Variants in FZR1 observed in about 807,000 individuals in gnomAD.
FZR1 encodes the protein fizzy-related protein homolog.
In FZR1, 11 loss-of-function variants were observed where a neutral mutation model predicts 63.6. That is an observed-to-expected ratio of 0.17 (90% CI 0.11 to 0.29). The LOEUF (loss-of-function observed/expected upper bound fraction) is 0.29. Among genes scored for constraint, FZR1 ranks in the 10% least tolerant of loss-of-function variants. FZR1 has a pLI of 1.00. For missense variants in FZR1, 440 were observed against 687.5 expected, an observed-to-expected ratio of 0.64 and a Z score of 4.03; for synonymous variants, 328 against 297.9, an observed-to-expected ratio of 1.10 and a Z score of -1.04.
intron 7 of FZR1, among the ~76,000 whole-genome samples, chr19:3,529,739 GATGGGTGAGCGCATGGGAGCGC>G (rs2083214637): frequency 7.0e-6 from 1 of 143,724 alleles, no homozygotes; most frequent in Non-Finnish European, 1.5e-5. Flanking sequence ...TGGGAGAGTG[GATGGGTGAGCGCATGGGAGCGC>G]ATGGGTGAGC....
chr19:3,512,337 G>A lies in FZR1; in HGVS notation c.-35+5863G>A, dbSNP rs371483496. Among the ~76,000 whole-genome samples the A allele has an allele frequency of 4.8e-3, 727 of 152,302 alleles. 15 individuals are homozygous for A. The highest frequency in any genetic ancestry group is 0.048 in the South Asian group (230 of 4,824). ...GCATCTTCTCTGGGTCATGCCGGGTGCCTGCTGCCTCGTAGACCTCATGCC... is the reference window on the plus strand; with the variant it reads ...GCATCTTCTCTGGGTCATGCCGGGTACCTGCTGCCTCGTAGACCTCATGCC... On this transcript the variant is annotated intron_variant, in intron 1 of 13. Transcript: ENST00000441788.
Position 3,532,476 on chromosome 19 carries a change from G to T in FZR1, c.1068G>T (p.Ala356=). 1 of 1,603,074 alleles carries T rather than the reference G, an allele frequency of 6.2e-7. No individual in the cohort carries two copies. Residue 356 remains alanine (A), a synonymous_variant, in exon 11 of 14, where the codon GCG becomes GCT. Coordinates refer to ENST00000441788, the MANE Select transcript of FZR1 (RefSeq NM_016263.4). ...SPVQQYTEHL[A]AVKAIAWSPH... Reference sequence around the variant, plus strand: ...TGCAGCAGTACACGGAGCACCTGGCGGCCGTGAAGGCCATCGCCTGGTCCC... The same window carrying T: ...TGCAGCAGTACACGGAGCACCTGGCTGCCGTGAAGGCCATCGCCTGGTCCC...
At chr19:3,528,418 C>T (rs1042602234) in intron 7 of FZR1, among the ~76,000 whole-genome samples, 7 of 152,384 alleles carry the variant, frequency 4.6e-5, no homozygotes, top group Admixed American at 4.6e-4. Context: ...CCCTTCTAGG[C>T]CCTGCCCTCA....
At chr19:3,510,198 G>T (rs957200350) in intron 1 of FZR1, among the ~76,000 whole-genome samples, 2 of 152,032 alleles carry the variant, frequency 1.3e-5, no homozygotes, top group Non-Finnish European at 2.9e-5. Flanking sequence ...GTGCAGTGGC[G>T]CAATCACAAC....
At chr19:3,513,759 A>G (rs1001466411) in intron 1 of FZR1, among the ~76,000 whole-genome samples, 2 of 152,044 alleles carry the variant, frequency 1.3e-5, no homozygotes, top group Admixed American at 1.3e-4. Context: ...CCCTGTGGGT[A>G]GCAAGTGCCG....
Position 3,523,229 on chromosome 19 carries a change from A to T in FZR1, c.69+171A>T, listed in dbSNP as rs1397816408. On this transcript the variant is annotated intron_variant, in intron 2 of 13. Transcript: ENST00000441788. Reference sequence around the variant, plus strand: ...CTCCTGGGCTGTCAGGGTTGCCGCCACCCCCAGGGCCATAGTCAGAGCCCA... The same window carrying T: ...CTCCTGGGCTGTCAGGGTTGCCGCCTCCCCCAGGGCCATAGTCAGAGCCCA... 5.3e-5 allele frequency among the ~76,000 whole-genome samples: 8 copies of T among 151,874 alleles called. No individual in the cohort carries two copies. The East Asian group carries it at 1.5e-3, about 29-fold the overall frequency.
intron 1 of FZR1, among the ~76,000 whole-genome samples, chr19:3,508,477 G>A (rs1481933445): frequency 1.3e-5 from 2 of 152,214 alleles, no homozygotes; most frequent in Non-Finnish European, 2.9e-5. Flanking sequence ...GATTACAGGC[G>A]TGCGCCACCG....
chr19:3,515,778 A>C lies in FZR1; in HGVS notation c.-34-7178A>C, dbSNP rs930961444. Reference sequence around the variant, plus strand: ...CAGACTCCGTCTCTAAAAAAAAAAAAAAAAGGAATTCAAGAAGTACAAAAC... The same window carrying C: ...CAGACTCCGTCTCTAAAAAAAAAAACAAAAGGAATTCAAGAAGTACAAAAC... On this transcript the variant is annotated intron_variant, in intron 1 of 13. Transcript: ENST00000441788. The surrounding 1 kb of genome is among the most constrained non-coding windows in gnomAD (Gnocchi z 4.6). Among the ~76,000 whole-genome samples the C allele has an allele frequency of 1.3e-5, 2 of 151,956 alleles. No individual in the cohort carries two copies. Among genetic ancestry groups the C allele is most frequent in the Non-Finnish European group, 2.9e-5 (2 of 67,976 alleles).
chr19:3,507,386 C>T (rs1351845908), intron 1 of FZR1, among the ~76,000 whole-genome samples: 1 of 152,042 alleles, frequency 6.6e-6, no homozygotes, highest in Non-Finnish European at 1.5e-5. Context: ...CCCCCTCCCC[C>T]TCTTCCACCG....
rs925608296 is a variant in FZR1, at chr19:3,533,570, G to A, written c.1347+172G>A. The stretch of plus-strand genomic sequence containing the variant: ...ATCTGGTGCTGGTTGTGTTGCCAGC[G>A]TTGGAATGGGCTCTACCGAACTCCC... On this transcript the variant is annotated intron_variant, in intron 12 of 13. Transcript: ENST00000441788. The surrounding 1 kb of genome is among the most constrained non-coding windows in gnomAD (Gnocchi z 4.9). 4 of 596,502 alleles carry A rather than the reference G, an allele frequency of 6.7e-6. No homozygotes were observed. The highest frequency in any genetic ancestry group is 5.7e-5 in the East Asian group (2 of 34,900). 37.0% of individuals were successfully genotyped at this position (596,502 alleles called of 1,614,324 possible).
chr19:3,512,521 A>G (rs1032920337), intron 1 of FZR1, among the ~76,000 whole-genome samples: 1 of 152,206 alleles, frequency 6.6e-6, no homozygotes, highest in Non-Finnish European at 1.5e-5. Context: ...ACTCTTTCTG[A>G]TGGACCCTGC....
rs938734337 is a variant in FZR1 at position 3,515,021 on chromosome 19, G to A, written c.-34-7935G>A. Reference sequence around the variant, plus strand: ...CAGGGCAGTGCCCTGCCAAGGGGATGGGGCAGCAGGAAGCCCGGTGGCCCA... The same window carrying A: ...CAGGGCAGTGCCCTGCCAAGGGGATAGGGCAGCAGGAAGCCCGGTGGCCCA... On this transcript the variant is annotated intron_variant, in intron 1 of 13. Coordinates refer to ENST00000441788, the MANE Select transcript of FZR1 (RefSeq NM_016263.4). This position sits in a 1 kb window ranked among gnomAD's most constrained non-coding sequence, Gnocchi z 4.6. Among the ~76,000 whole-genome samples, 1 of 152,218 alleles carries A rather than the reference G, an allele frequency of 6.6e-6. No individual in the cohort carries two copies. The highest frequency in any genetic ancestry group is 2.4e-5 in the African/African-American group (1 of 41,456).
Position 3,514,863 on chromosome 19 carries a change from C to T in FZR1, c.-34-8093C>T, listed in dbSNP as rs760205131. On this transcript the variant is annotated intron_variant, in intron 1 of 13. Transcript: ENST00000441788. This position sits in a 1 kb window ranked among gnomAD's most constrained non-coding sequence, Gnocchi z 4.2. ...GGGTCATGCCCATTTCCCAGGGGAACAGGAAGAAGCTCGAGACTGAAGGCT... is the reference window on the plus strand; with the variant it reads ...GGGTCATGCCCATTTCCCAGGGGAATAGGAAGAAGCTCGAGACTGAAGGCT... 1.3e-5 allele frequency among the ~76,000 whole-genome samples: 2 copies of T among 152,204 alleles called. No individual in the cohort carries two copies. Among genetic ancestry groups the T allele is most frequent in the Non-Finnish European group, 2.9e-5 (2 of 68,024 alleles).
intron 7 of FZR1, among the ~76,000 whole-genome samples, chr19:3,528,751 GTGGGTGTGTGGA>G (rs1303604138): frequency 0.024 from 2,899 of 118,696 alleles, 127 homozygotes; most frequent in African/African-American, 0.09. Flanking sequence ...GGGAGAGTGG[GTGGGTGTGTGGA>G]TGGGTGCGTG....
chr19:3,520,250 A>T (rs907754474), intron 1 of FZR1, among the ~76,000 whole-genome samples: 5 of 151,370 alleles, frequency 3.3e-5, no homozygotes, highest in African/African-American at 1.2e-4. Flanking sequence ...ACCGGTGGGG[A>T]CTGTGGGTGG....
At chr19:3,520,136 C>A (rs1249308324) in intron 1 of FZR1, among the ~76,000 whole-genome samples, 1 of 152,238 alleles carries the variant, frequency 6.6e-6, no homozygotes, top group East Asian at 1.9e-4. Context: ...GATGCTTAGG[C>A]CTCTCCTCGT....
chr19:3,526,967 C>A lies in FZR1; in HGVS notation c.388-13C>A. On this transcript the variant is annotated splice_polypyrimidine_tract_variant and intron_variant, in intron 5 of 13. Coordinates refer to ENST00000441788, the MANE Select transcript of FZR1 (RefSeq NM_016263.4). The surrounding 1 kb of genome is among the most constrained non-coding windows in gnomAD (Gnocchi z 5.4). ...TGGGCGTGCGCTCAGCTGGCATGTC[C>A]CCCGCTCCACAGTATTCCCTTAGCA... The A allele has an allele frequency of 6.2e-7, 1 of 1,601,742 alleles. No homozygotes were observed. The highest frequency in any genetic ancestry group is 8.5e-7 in the Non-Finnish European group (1 of 1,171,356).
intron 1 of FZR1, 41 bp from the exon 2 acceptor site, chr19:3,522,915 C>T (rs911887795): frequency 1.0e-4 from 107 of 1,050,416 alleles, no homozygotes; most frequent in East Asian, 2.4e-4. Context: ...TCCGGGCAGC[C>T]GGCCCTGCCC....
chr19:3,523,183 CA>C, intron 2 of FZR1, 125 bp downstream of exon 2: 1 of 734,158 alleles, frequency 1.4e-6, no homozygotes, highest in Non-Finnish European at 2.5e-6. Flanking sequence ...CCCAGTCCCC[CA>C]GGTCACACGG....
Sources: gnomAD v4.1 joint callset for allele counts (sites outside exome capture counted in the v4.1 genomes callset) on GRCh38, gnomAD v4.1.1 for gene constraint, Gnocchi (gnomAD v3.1) non-coding constraint, MANE v1.5 for transcripts, NCBI Gene and HGNC (gene_info 2026-07-23, HGNC 2026-07-21) for gene names.